Variants in PTPRR observed in about 807,000 individuals in gnomAD.
PTPRR encodes protein tyrosine phosphatase receptor type R, also known as receptor-type tyrosine-protein phosphatase R.
PTPRR carries 38 observed loss-of-function variants against 77.2 expected under a neutral mutation model. The observed-to-expected ratio is 0.49, with a 90% CI of 0.38 to 0.65. The LOEUF is 0.65. PTPRR is among the 30% of genes least tolerant of loss of function. The pLI is 0.00. For missense variants in PTPRR, 744 were observed against 799.2 expected, an observed-to-expected ratio of 0.93 and a Z score of 0.83; for synonymous variants, 299 against 283.1, an observed-to-expected ratio of 1.06 and a Z score of -0.57.
intron 10 of PTPRR, among the ~76,000 whole-genome samples, chr12:70,667,642 G>A (rs1054436072): frequency 2.6e-5 from 4 of 152,122 alleles, no homozygotes; most frequent in Non-Finnish European, 5.9e-5. Context: ...GAATGGATTC[G>A]TGTTTCATAA....
intron 1 of PTPRR, among the ~76,000 whole-genome samples, chr12:70,898,421 A>T (rs1893472713): frequency 6.7e-6 from 1 of 150,150 alleles, no homozygotes; most frequent in Admixed American, 6.7e-5. Flanking sequence ...TCTACAGTTT[A>T]TGTTTTTCTT....
intron 6 of PTPRR, among the ~76,000 whole-genome samples, chr12:70,707,765 C>T (rs1414434897): frequency 6.6e-6 from 1 of 152,110 alleles, no homozygotes; most frequent in Non-Finnish European, 1.5e-5. Context: ...AGCTCAAACT[C>T]TCTTCCTCTT....
At chr12:70,822,730 T>C (rs1292431908) in intron 2 of PTPRR, among the ~76,000 whole-genome samples, 2 of 152,182 alleles carry the variant, frequency 1.3e-5, no homozygotes, top group Non-Finnish European at 2.9e-5. Flanking sequence ...TGCCAATAAA[T>C]GCATCCAACA....
At chr12:70,856,822 T>G (rs1188353160) in intron 2 of PTPRR, among the ~76,000 whole-genome samples, 74 of 111,150 alleles carry the variant, frequency 6.7e-4, no homozygotes, top group African/African-American at 7.7e-4. Context: ...GAGAGAGAGG[T>G]GAGGAGTGGA....
chr12:70,740,983 G>A (rs1049521889), intron 6 of PTPRR, among the ~76,000 whole-genome samples: 38 of 152,122 alleles, frequency 2.5e-4, no homozygotes, highest in Non-Finnish European at 5.9e-5. Flanking sequence ...TTCAAATTTG[G>A]TCACTCTTAA....
At chr12:70,866,879 C>T (rs1428510533) in intron 2 of PTPRR, among the ~76,000 whole-genome samples, 4 of 151,914 alleles carry the variant, frequency 2.6e-5, no homozygotes, top group African/African-American at 4.8e-5. Flanking sequence ...TGGTTCAACA[C>T]ATGCAAATCA....
At chr12:70,731,609 T>C (rs1889665087) in intron 6 of PTPRR, among the ~76,000 whole-genome samples, 1 of 152,176 alleles carries the variant, frequency 6.6e-6, no homozygotes, top group Non-Finnish European at 1.5e-5. Flanking sequence ...TAAAAACCAA[T>C]TGGCCACATA....
intron 2 of PTPRR, among the ~76,000 whole-genome samples, chr12:70,806,412 G>A (rs1043503410): frequency 6.6e-6 from 1 of 152,174 alleles, no homozygotes; most frequent in African/African-American, 2.4e-5. Flanking sequence ...AGATATAGTG[G>A]TTGGAAAGAA....
At chr12:70,739,811 G>T (rs1334591630) in intron 6 of PTPRR, among the ~76,000 whole-genome samples, 1 of 152,168 alleles carries the variant, frequency 6.6e-6, no homozygotes. Context: ...GGAGACTAGA[G>T]ATCGGTAGGC....
At chr12:70,728,461 T>G (rs568046335) in intron 6 of PTPRR, among the ~76,000 whole-genome samples, 1 of 71,816 alleles carries the variant, frequency 1.4e-5, no homozygotes, top group African/African-American at 4.6e-5. Flanking sequence ...TATATATATA[T>G]ACATATATGT....
chr12:70,679,352 C>T (rs1170508187), intron 10 of PTPRR, among the ~76,000 whole-genome samples: 2 of 152,138 alleles, frequency 1.3e-5, no homozygotes, highest in African/African-American at 4.8e-5. Context: ...TTAAGAAAAA[C>T]GTGTATTCTG....
intron 2 of PTPRR, among the ~76,000 whole-genome samples, chr12:70,889,099 T>G (rs1009660597): frequency 5.3e-5 from 8 of 152,160 alleles, no homozygotes; most frequent in African/African-American, 1.7e-4. Flanking sequence ...TTGGGTTGGA[T>G]TTGTCATCAC....
intron 8 of PTPRR, 27 bp from the exon 9 acceptor site, chr12:70,684,810 AT>A (rs1251240821): frequency 6.7e-7 from 1 of 1,497,018 alleles, no homozygotes; most frequent in Non-Finnish European, 9.2e-7. Context: ...AAAAGAATAT[AT>A]TAAACAGATT....
intron 6 of PTPRR, among the ~76,000 whole-genome samples, chr12:70,743,708 T>C (rs1890123794): frequency 6.6e-6 from 1 of 152,176 alleles, no homozygotes; most frequent in South Asian, 2.1e-4. Context: ...ACACACTTGC[T>C]CTGCTAGAAT....
At chr12:70,644,637 A>T (rs532780571) in intron 13 of PTPRR, among the ~76,000 whole-genome samples, 1 of 152,350 alleles carries the variant, frequency 6.6e-6, no homozygotes, top group East Asian at 1.9e-4. Context: ...AGCCAAGCAC[A>T]TATCAATACC....
At chr12:70,909,216 G>A (rs1893666014) in intron 1 of PTPRR, among the ~76,000 whole-genome samples, 1 of 152,124 alleles carries the variant, frequency 6.6e-6, no homozygotes, top group South Asian at 2.1e-4. Context: ...TGCAGACTCA[G>A]CAAAACTTAA....
chr12:70,784,329 A>G (rs1350927202), intron 2 of PTPRR, among the ~76,000 whole-genome samples: 3 of 152,220 alleles, frequency 2.0e-5, no homozygotes, highest in African/African-American at 4.8e-5. Flanking sequence ...CGCAGGCTCC[A>G]TGGAGCAAGG....
intron 2 of PTPRR, among the ~76,000 whole-genome samples, chr12:70,775,204 A>AT (rs397946791): frequency 6.6e-6 from 1 of 151,954 alleles, no homozygotes; most frequent in Non-Finnish European, 1.5e-5. Flanking sequence ...TACAGAAAAA[A>AT]CATACAAAAT....
intron 1 of PTPRR, among the ~76,000 whole-genome samples, chr12:70,918,488 G>T (rs1893806717): frequency 6.6e-6 from 1 of 152,054 alleles, no homozygotes; most frequent in South Asian, 2.1e-4. Flanking sequence ...GATTGGCTTT[G>T]GTAATATACC....
Sources: gnomAD v4.1 joint callset for allele counts (sites outside exome capture counted in the v4.1 genomes callset) on GRCh38, gnomAD v4.1.1 for gene constraint, MANE v1.5 for transcripts, NCBI Gene and HGNC (gene_info 2026-07-23, HGNC 2026-07-21) for gene names.